Variants in ABCA4 observed in about 807,000 individuals in gnomAD.
ABCA4 encodes retinal-specific phospholipid-transporting ATPase ABCA4.
In ABCA4, 196 loss-of-function variants were observed where a neutral mutation model predicts 263.7. That is an observed-to-expected ratio of 0.74 (90% confidence interval 0.66 to 0.84). The LOEUF (loss-of-function observed/expected upper bound fraction) is 0.84, where lower values mean the gene tolerates loss of function less well. ABCA4 is among the 40% of genes least tolerant of loss of function. The pLI is 0.00. For missense variants in ABCA4, 2,792 were observed against 2,855.1 expected, an observed-to-expected ratio of 0.98 and a Z score of 0.50; for synonymous variants, 1,133 against 1,094.2, an observed-to-expected ratio of 1.04 and a Z score of -0.70.
At position 94,029,586 on chromosome 1, in the gene ABCA4, C is replaced by T. The variant is rs768312008; in HGVS notation, c.4398G>A (p.Val1466=). Residue 1466 remains valine (V), a synonymous_variant, in exon 30 of 50, where the codon GTG becomes GTA. Transcript: ENST00000370225. The stretch of plus-strand genomic sequence containing the variant: ...GGAACAGCTGGGTGATGTTTGGGGA[C>T]ACAGAAGGAGTCTTCCAGGGTGTTG... ...GNSTPWKTPS[V]SPNITQLFQK... is the part of the protein sequence containing the mutation. 6 of 1,614,008 alleles carry T rather than the reference C, an allele frequency of 3.7e-6. No homozygotes were observed. The East Asian group carries it at 1.1e-4, about 30-fold the overall frequency.
intron 19 of ABCA4, 95 bp from the exon 20 acceptor site, chr1:94,044,839 A>G (rs1432874800): frequency 6.3e-7 from 1 of 1,578,654 alleles, no homozygotes; most frequent in Non-Finnish European, 8.7e-7. Flanking sequence ...GAACTCTCAC[A>G]GATTCCTGCC....
chr1:94,045,799 T>C (rs1182077518), intron 19 of ABCA4: 1 of 456,306 alleles, frequency 2.2e-6, no homozygotes, highest in South Asian at 1.5e-5. Flanking sequence ...GTACACGCTG[T>C]TGTTCCTTCC....
At position 94,047,024 on chromosome 1, in the gene ABCA4, A is replaced by G. The variant is rs149071415; in HGVS notation, c.2813T>C (p.Phe938Ser). ...GVCVKNLVKIFEPCGRPAVDR... is the reference protein window; with the variant it reads ...GVCVKNLVKISEPCGRPAVDR... ...CACAGCTGGCCGGCCACAGGGCTCA[A>G]AAATCTTTACCAGATTCTTCACGCA... Residue 938 changes from phenylalanine (F) to serine (S), a missense_variant, in exon 19 of 50, where the codon TTT becomes TCT. Physicochemically the swap from Phe to Ser is radical, Grantham distance 155. Transcript: ENST00000370225. The G allele has an allele frequency of 1.5e-5, 25 of 1,614,060 alleles. No individual in the cohort carries two copies. The African/African-American group carries it at 2.3e-4, about 15-fold the overall frequency.
At chr1:94,047,736 A>C (rs1029355426) in intron 18 of ABCA4, among the ~76,000 whole-genome samples, 73 of 152,092 alleles carry the variant, frequency 4.8e-4, no homozygotes, top group African/African-American at 1.7e-3. Context: ...CAGGTTTTCC[A>C]ATAGGTGGGT....
chr1:94,077,634 G>A (rs1398342835), intron 11 of ABCA4, 56 bp downstream of exon 11: 9 of 1,506,344 alleles, frequency 6.0e-6, no homozygotes, highest in Middle Eastern at 2.2e-4. Flanking sequence ...GGGAGCTCTG[G>A]CCCCACTCAT....
intron 26 of ABCA4, among the ~76,000 whole-genome samples, chr1:94,032,924 A>T (rs2101038361): frequency 6.6e-6 from 1 of 152,366 alleles, no homozygotes; most frequent in South Asian, 2.1e-4. Context: ...AACAAAATAC[A>T]TTCACCTATT....
chr1:94,011,722 C>T lies in ABCA4; in HGVS notation c.5461-337G>A, dbSNP rs2893264. Among the ~76,000 whole-genome samples the T allele has an allele frequency of 0.23, 35,563 of 152,204 alleles. 4,299 individuals carry two copies. The highest frequency in any genetic ancestry group is 0.25 in the Non-Finnish European group (17,137 of 67,990). On this transcript the variant is annotated intron_variant, in intron 38 of 49. Coordinates refer to ENST00000370225, the MANE Select transcript of ABCA4 (RefSeq NM_000350.3). The stretch of plus-strand genomic sequence containing the variant: ...GCATCTTCTAAACATTTACTATGCT[C>T]AGTACCATGTGGGCACCGAGGCTAA...
chr1:94,036,679 T>G, intron 26 of ABCA4, 61 bp downstream of exon 26: 1 of 1,569,976 alleles, frequency 6.4e-7, no homozygotes, highest in South Asian at 1.1e-5. Context: ...CCTTAGACTT[T>G]CGAGATGGAA....
chr1:94,107,692 C>T (rs927361550), intron 4 of ABCA4, among the ~76,000 whole-genome samples: 6 of 152,162 alleles, frequency 3.9e-5, no homozygotes, highest in Non-Finnish European at 8.8e-5. Context: ...TCATCACCTC[C>T]CATTTCCTCC....
At chr1:94,120,897 C>A (rs546485405) in intron 1 of ABCA4, 83 bp downstream of exon 1, 3 of 721,560 alleles carry the variant, frequency 4.2e-6, no homozygotes, top group South Asian at 2.9e-5. Flanking sequence ...GCCCCACCAC[C>A]CTACCCCACC....
At chr1:94,049,026 G>A in intron 17 of ABCA4, 69 bp from the exon 18 acceptor site, 1 of 1,513,188 alleles carries the variant, frequency 6.6e-7, no homozygotes, top group Non-Finnish European at 9.2e-7. Context: ...AGGAAAGGAG[G>A]GGAGAGGTAC....
chr1:94,102,706 A>G (rs1338123460), intron 5 of ABCA4, among the ~76,000 whole-genome samples: 1 of 152,140 alleles, frequency 6.6e-6, no homozygotes, highest in Non-Finnish European at 1.5e-5. Context: ...TGAGTAATAA[A>G]TGAATAGATT....
chr1:94,060,001 G>A (rs527801794), intron 14 of ABCA4, among the ~76,000 whole-genome samples: 16 of 152,162 alleles, frequency 1.1e-4, no homozygotes, highest in Non-Finnish European at 1.9e-4. Context: ...AAGAGAGAGA[G>A]GTGTTGGAGC....
intron 19 of ABCA4, among the ~76,000 whole-genome samples, chr1:94,045,522 C>T (rs1660648357): frequency 6.6e-6 from 1 of 152,134 alleles, no homozygotes; most frequent in African/African-American, 2.4e-5. Flanking sequence ...AATGTGTTTG[C>T]CTTTGCGGAG....
At chr1:93,997,246 A>G (rs1659032201) in intron 48 of ABCA4, among the ~76,000 whole-genome samples, 1 of 152,126 alleles carries the variant, frequency 6.6e-6, no homozygotes, top group Admixed American at 6.6e-5. Context: ...TACATTTAAA[A>G]TAGGTGTTTT....
intron 6 of ABCA4, among the ~76,000 whole-genome samples, chr1:94,094,284 C>A (rs1450883053): frequency 6.6e-6 from 1 of 152,136 alleles, no homozygotes; most frequent in East Asian, 1.9e-4. Context: ...ACGCTTCTCC[C>A]CAGTGACTCA....
At chr1:94,070,249 G>A (rs1661369176) in intron 11 of ABCA4, among the ~76,000 whole-genome samples, 1 of 152,128 alleles carries the variant, frequency 6.6e-6, no homozygotes, top group Admixed American at 6.5e-5. Context: ...TCAGTTTTCT[G>A]GCAGTAAAAC....
chr1:94,019,783 G>A (rs1324201850), intron 35 of ABCA4, 24 bp from the exon 36 acceptor site: 3 of 1,603,964 alleles, frequency 1.9e-6, no homozygotes, highest in Non-Finnish European at 2.6e-6. Flanking sequence ...AGAGACACAG[G>A]GAGAGGGCGA....
At chr1:94,120,124 C>G (rs1342810322) in intron 1 of ABCA4, among the ~76,000 whole-genome samples, 1 of 152,230 alleles carries the variant, frequency 6.6e-6, no homozygotes, top group Non-Finnish European at 1.5e-5. Flanking sequence ...TTGCACAAAG[C>G]CAGTTGTCAT....
Sources: allele counts gnomAD v4.1 joint callset (sites outside exome capture counted in the v4.1 genomes callset), GRCh38; gene constraint gnomAD v4.1.1; transcripts MANE v1.5; gene names NCBI Gene and HGNC (gene_info 2026-07-23, HGNC 2026-07-21).